The following KCNT2 variants were observed in gnomAD, a reference collection of about 807,000 sequenced individuals.
The protein encoded by KCNT2 is potassium channel subfamily T member 2.
A neutral mutation model predicts 153.8 loss-of-function variants in KCNT2; 67 were observed. The ratio of observed to expected loss-of-function variants is 0.44; its 90% CI spans 0.36 to 0.53. The LOEUF is 0.53. KCNT2 is among the 20% of genes least tolerant of loss of function. The pLI, the probability that KCNT2 is intolerant of heterozygous loss-of-function variation, is 0.00. For missense variants in KCNT2, 975 were observed against 1,354.8 expected (o/e 0.72, Z 4.40); for synonymous variants, 500 against 458.8 (o/e 1.09, Z -1.15).
chr1:196,400,080 C>G (rs1031311135), intron 12 of KCNT2, among the ~76,000 whole-genome samples: 1 of 151,784 alleles, frequency 6.6e-6, no homozygotes, highest in Non-Finnish European at 1.5e-5. Flanking sequence ...GCATGGTTTA[C>G]ATGTACCATA....
chr1:196,488,725 A>G (rs1296094399), intron 3 of KCNT2, among the ~76,000 whole-genome samples: 4 of 152,034 alleles, frequency 2.6e-5, no homozygotes. Flanking sequence ...TGTGCAACAC[A>G]CTATCAATAA....
At chr1:196,279,966 C>T (rs1237265821) in intron 25 of KCNT2, among the ~76,000 whole-genome samples, 1 of 151,936 alleles carries the variant, frequency 6.6e-6, no homozygotes, top group Non-Finnish European at 1.5e-5. Flanking sequence ...ATGTATGTGT[C>T]TGATCTGAGC....
chr1:196,275,833 A>C (rs1191279501), intron 25 of KCNT2, among the ~76,000 whole-genome samples: 1 of 152,180 alleles, frequency 6.6e-6, no homozygotes, highest in African/African-American at 2.4e-5. Context: ...AAATGTGTAT[A>C]TACTAAAGAA....
chr1:196,526,893 G>T (rs1401946477), intron 1 of KCNT2, among the ~76,000 whole-genome samples: 1 of 152,042 alleles, frequency 6.6e-6, no homozygotes, highest in African/African-American at 2.4e-5. Context: ...TAACCCCCAT[G>T]CCTCAGACTA....
chr1:196,400,874 A>T (rs1296725929), intron 12 of KCNT2, among the ~76,000 whole-genome samples: 1 of 151,782 alleles, frequency 6.6e-6, no homozygotes, highest in Non-Finnish European at 1.5e-5. Context: ...ACTTGGAGGA[A>T]GTATCTTGCA....
chr1:196,378,762 A>C (rs1471087555), intron 13 of KCNT2, among the ~76,000 whole-genome samples: 1 of 148,052 alleles, frequency 6.8e-6, no homozygotes, highest in African/African-American at 2.5e-5. Context: ...AATATGTAAT[A>C]TAATATCTAC....
intron 13 of KCNT2, among the ~76,000 whole-genome samples, chr1:196,397,325 C>A (rs139945853): frequency 1.5e-4 from 23 of 151,580 alleles, no homozygotes; most frequent in African/African-American, 5.3e-4. Context: ...TTACAAAGGT[C>A]TTTTTAATAA....
chr1:196,386,321 T>G (rs1669979935), intron 13 of KCNT2, among the ~76,000 whole-genome samples: 1 of 152,146 alleles, frequency 6.6e-6, no homozygotes, highest in Non-Finnish European at 1.5e-5. Context: ...ACTGAGATAA[T>G]AAATTTACAT....
chr1:196,441,261 G>T (rs1028551815), intron 8 of KCNT2, among the ~76,000 whole-genome samples: 5 of 151,594 alleles, frequency 3.3e-5, no homozygotes, highest in African/African-American at 4.8e-5. Context: ...CCATTTTGCA[G>T]TATCTAGATT....
chr1:196,370,207 A>C (rs2148318640), intron 14 of KCNT2, among the ~76,000 whole-genome samples: 1 of 152,296 alleles, frequency 6.6e-6, no homozygotes, highest in South Asian at 2.1e-4. Flanking sequence ...TGCCAAATAA[A>C]TAAAAATGCT....
chr1:196,342,533 C>T (rs1228385656), intron 14 of KCNT2, among the ~76,000 whole-genome samples: 1 of 149,798 alleles, frequency 6.7e-6, no homozygotes, highest in Non-Finnish European at 1.5e-5. Context: ...GCTTTACTCT[C>T]ACAATGAATC....
intron 1 of KCNT2, among the ~76,000 whole-genome samples, chr1:196,584,508 T>G (rs1662439623): frequency 6.6e-6 from 1 of 151,970 alleles, no homozygotes; most frequent in African/African-American, 2.4e-5. Flanking sequence ...TTTGTAAGGG[T>G]GCACGTATTC....
At chr1:196,322,394 T>C (rs1395540572) in intron 19 of KCNT2, among the ~76,000 whole-genome samples, 1 of 151,568 alleles carries the variant, frequency 6.6e-6, no homozygotes, top group Non-Finnish European at 1.5e-5. Flanking sequence ...TAAATATACA[T>C]GAATCGAAAC....
At chr1:196,263,307 T>G (rs1345913376) in intron 25 of KCNT2, among the ~76,000 whole-genome samples, 1 of 152,044 alleles carries the variant, frequency 6.6e-6, no homozygotes. Flanking sequence ...TATGCAGCCA[T>G]AAAAAAGGAT....
In KCNT2 at chr1:196,543,142, A is replaced by T. The variant is rs551905785; in HGVS notation, c.96-50801T>A. On this transcript the variant is annotated intron_variant, in intron 1 of 27. Transcript: ENST00000294725. ...TAGTCTTGAAAGCTATTGAGCTATA[A>T]TTCTTAAACAGAATTTACTAGAGTT... Among the ~76,000 whole-genome samples the T allele has an allele frequency of 4.6e-5, 7 of 152,288 alleles. No homozygotes were observed. In the South Asian group the frequency reaches 1.4e-3, roughly 32 times the overall value.
chr1:196,342,641 T>C (rs945397557), intron 14 of KCNT2, among the ~76,000 whole-genome samples: 3 of 151,730 alleles, frequency 2.0e-5, no homozygotes, highest in African/African-American at 7.3e-5. Flanking sequence ...GCCAACGTTA[T>C]CTTACCTATG....
At chr1:196,556,287 A>G (rs1389470967) in intron 1 of KCNT2, among the ~76,000 whole-genome samples, 2 of 151,490 alleles carry the variant, frequency 1.3e-5, no homozygotes, top group African/African-American at 4.8e-5. Context: ...TAAAGAGGTC[A>G]AACAACTCTA....
intron 25 of KCNT2, chr1:196,259,488 G>A (rs948749491): frequency 6.6e-6 from 1 of 152,110 alleles, no homozygotes; most frequent in Non-Finnish European, 1.5e-5. Context: ...CAGCATTCAT[G>A]AATCTGTGAA....
intron 3 of KCNT2, among the ~76,000 whole-genome samples, chr1:196,486,983 G>A (rs1033090378): frequency 6.6e-6 from 1 of 151,822 alleles, no homozygotes; most frequent in Non-Finnish European, 1.5e-5. Flanking sequence ...TTAATCCCAG[G>A]TTAGACAACC....
Sources: allele counts gnomAD v4.1 joint callset (sites outside exome capture counted in the v4.1 genomes callset), GRCh38; gene constraint gnomAD v4.1.1; transcripts MANE v1.5; gene names NCBI Gene and HGNC (gene_info 2026-07-23, HGNC 2026-07-21).